The following WWP2 variants were observed in gnomAD, a reference collection of about 807,000 sequenced individuals.
The protein encoded by WWP2 is WW domain containing E3 ubiquitin protein ligase 2.
A neutral mutation model predicts 121.0 loss-of-function variants in WWP2; 57 were observed. The observed-to-expected ratio is 0.47, with a 90% CI of 0.38 to 0.59. WWP2 has a LOEUF of 0.59. Among genes scored for constraint, WWP2 ranks in the 20% least tolerant of loss-of-function variants. The pLI is 0.00. For synonymous variants in WWP2, 449 were observed against 441.3 expected (o/e 1.02, Z -0.22); for missense variants, 962 against 1,158.9 (o/e 0.83, Z 2.47).
chr16:69,815,829 A>G (rs2056480068), intron 4 of WWP2, among the ~76,000 whole-genome samples: 1 of 151,034 alleles, frequency 6.6e-6, no homozygotes, highest in Admixed American at 6.6e-5. Context: ...CATACTGTAT[A>G]TTATGGCCTC....
chr16:69,872,013 C>A, intron 7 of WWP2, 82 bp downstream of exon 7: 1 of 1,521,144 alleles, frequency 6.6e-7, no homozygotes, highest in South Asian at 1.2e-5. Flanking sequence ...ATCCTGCCCA[C>A]TGTGTCAGAA....
rs8052428 is a variant in WWP2, at chr16:69,880,093, C to A, written c.704-7946C>A. On this transcript the variant is annotated intron_variant, in intron 7 of 23. Transcript: ENST00000359154. ...GATGTTACGTTATCAAAATAAATAT[C>A]CCATTAGAATTTATAGTGTTATATG... Among the ~76,000 whole-genome samples the A allele has an allele frequency of 3.3e-5, 5 of 150,240 alleles. No homozygotes were observed. In the South Asian group the frequency reaches 1.0e-3, roughly 31 times the overall value.
chr16:69,884,752 A>G (rs1003655532), intron 7 of WWP2, among the ~76,000 whole-genome samples: 5 of 152,224 alleles, frequency 3.3e-5, no homozygotes, highest in African/African-American at 1.2e-4. Context: ...AAGGAAATCA[A>G]CTCATTCTGA....
chr16:69,773,642 G>C (rs1259892687), intron 1 of WWP2, among the ~76,000 whole-genome samples: 1 of 151,758 alleles, frequency 6.6e-6, no homozygotes, highest in African/African-American at 2.4e-5. Flanking sequence ...CACCATGTCT[G>C]ACTAATTTTT....
chr16:69,779,801 A>G lies in WWP2; in HGVS notation c.-15-7195A>G, dbSNP rs1028860176. Among the ~76,000 whole-genome samples, 17 of 152,330 alleles carry G rather than the reference A, an allele frequency of 1.1e-4. 2 individuals are homozygous for G. The highest frequency in any genetic ancestry group is 3.9e-4 in the East Asian group (2 of 5,190). On this transcript the variant is annotated intron_variant, in intron 1 of 23. Transcript: ENST00000359154. Reference sequence around the variant, plus strand: ...AGCGTTTAGTGCTTTAACCCCTGTTAACTAAAAGCCCCAAGGCTCAATTTA... The same window carrying G: ...AGCGTTTAGTGCTTTAACCCCTGTTGACTAAAAGCCCCAAGGCTCAATTTA...
chr16:69,887,951 T>C, intron 7 of WWP2, 88 bp from the exon 8 acceptor site: 1 of 1,490,610 alleles, frequency 6.7e-7, no homozygotes, highest in South Asian at 1.2e-5. Flanking sequence ...GTAGATACCA[T>C]GTTAGCCTAT....
At chr16:69,872,302 C>T (rs1393465385) in intron 7 of WWP2, among the ~76,000 whole-genome samples, 2 of 152,104 alleles carry the variant, frequency 1.3e-5, no homozygotes, top group Admixed American at 6.5e-5. Flanking sequence ...CTGCAAGCTC[C>T]GCCTCCCGGG....
At chr16:69,842,257 T>A in intron 6 of WWP2, 137 bp downstream of exon 6, 1 of 783,962 alleles carries the variant, frequency 1.3e-6, no homozygotes, top group Non-Finnish European at 2.1e-6. Context: ...ACTCAGTAGT[T>A]AAGAAAGCTA....
At chr16:69,909,790 A>C (rs1220226081) in intron 9 of WWP2, 1 of 773,524 alleles carries the variant, frequency 1.3e-6, no homozygotes, top group African/African-American at 1.9e-5. Flanking sequence ...GAAAATTTCA[A>C]ATAGATATAG....
chr16:69,825,548 A>C (rs1397004700), intron 4 of WWP2, among the ~76,000 whole-genome samples: 1 of 151,356 alleles, frequency 6.6e-6, no homozygotes, highest in Non-Finnish European at 1.5e-5. Flanking sequence ...TTTTTTGATG[A>C]GCACATTATT....
At chr16:69,815,845 A>G (rs1243500709) in intron 4 of WWP2, among the ~76,000 whole-genome samples, 1 of 151,350 alleles carries the variant, frequency 6.6e-6, no homozygotes, top group Non-Finnish European at 1.5e-5. Flanking sequence ...GCCTCAACAC[A>G]TGTTCCCAAT....
chr16:69,850,773 T>C (rs1273011663), intron 6 of WWP2, among the ~76,000 whole-genome samples: 2 of 152,206 alleles, frequency 1.3e-5, no homozygotes, highest in Non-Finnish European at 2.9e-5. Context: ...GTTTGCAGGC[T>C]GAATCCAGCC....
intron 8 of WWP2, among the ~76,000 whole-genome samples, chr16:69,901,767 A>T (rs1366140932): frequency 6.6e-6 from 1 of 152,156 alleles, no homozygotes; most frequent in Non-Finnish European, 1.5e-5. Context: ...ATTTTGGTGT[A>T]TCAATTTATA....
intron 9 of WWP2, among the ~76,000 whole-genome samples, chr16:69,911,155 G>A (rs1456701809): frequency 2.0e-5 from 3 of 152,222 alleles, no homozygotes; most frequent in Admixed American, 6.5e-5. Flanking sequence ...TCCCTGGGGA[G>A]CAAGATTGAA....
intron 6 of WWP2, among the ~76,000 whole-genome samples, chr16:69,868,404 T>A (rs2057566850): frequency 6.6e-6 from 1 of 152,152 alleles, no homozygotes; most frequent in African/African-American, 2.4e-5. Flanking sequence ...GGACCCACCC[T>A]ATTGTCATGC....
rs2058821647 is a variant in WWP2 at position 69,937,746 on chromosome 16, T to C, written c.2343+94T>C. ...GGCCTCACGCGCAAGGACCTTCAGC[T>C]TTGGCCCTGTCCTTGCCTCCCACAC... is the stretch of plus-strand genomic sequence containing the variant. On this transcript the variant is annotated intron_variant, in intron 21 of 23. Coordinates refer to ENST00000359154, the MANE Select transcript of WWP2 (RefSeq NM_001270454.2). This position sits in a 1 kb window ranked among gnomAD's most constrained non-coding sequence, Gnocchi z 6.6. 9.8e-6 allele frequency: 12 copies of C among 1,227,530 alleles called. No homozygotes were observed. Among genetic ancestry groups the C allele is most frequent in the Middle Eastern group, 4.1e-4 (2 of 4,892 alleles). The allele number at this position is 1,227,530 out of a possible 1,614,324, so 76.0% of individuals were successfully genotyped here.
At chr16:69,886,152 G>T (rs545108048) in intron 7 of WWP2, among the ~76,000 whole-genome samples, 1 of 152,264 alleles carries the variant, frequency 6.6e-6, no homozygotes, top group African/African-American at 2.4e-5. Flanking sequence ...GTGCAATCAT[G>T]GCTCACTTCA....
intron 17 of WWP2, among the ~76,000 whole-genome samples, chr16:69,934,876 C>T (rs1013621488): frequency 2.0e-5 from 3 of 152,176 alleles, no homozygotes; most frequent in South Asian, 2.1e-4. Context: ...CCAGAGAGGG[C>T]GCGCCAGTCC....
chr16:69,878,804 T>A (rs1567401919), intron 7 of WWP2, among the ~76,000 whole-genome samples: 1 of 152,236 alleles, frequency 6.6e-6, no homozygotes, highest in East Asian at 1.9e-4. Flanking sequence ...AATTCTGCTG[T>A]AAATACCTGT....
Sources: gnomAD v4.1 joint callset for allele counts (sites outside exome capture counted in the v4.1 genomes callset) on GRCh38, gnomAD v4.1.1 for gene constraint, Gnocchi (gnomAD v3.1) non-coding constraint, MANE v1.5 for transcripts, NCBI Gene and HGNC (gene_info 2026-07-23, HGNC 2026-07-21) for gene names.